Variants in COL18A1 observed in about 807,000 individuals in gnomAD.
The protein encoded by COL18A1 is collagen alpha-1(XVIII) chain.
A neutral mutation model predicts 168.0 loss-of-function variants in COL18A1; 133 were observed. The observed-to-expected ratio is 0.79, with a 90% confidence interval of 0.69 to 0.91. The LOEUF (loss-of-function observed/expected upper bound fraction) is 0.91. Ranked by LOEUF, COL18A1 falls within the 40% of genes least tolerant of loss-of-function variation. The pLI, the probability that COL18A1 is intolerant of heterozygous loss-of-function variation, is 0.00. For missense variants in COL18A1, 2,126 were observed against 1,925.4 expected (o/e 1.10, Z -1.95); for synonymous variants, 949 against 809.0 (o/e 1.17, Z -2.94).
intron 2 of COL18A1, 71 bp downstream of exon 2, chr21:45,405,544 G>T (rs920921193): frequency 1.0e-6 from 1 of 1,000,814 alleles, no homozygotes; most frequent in Non-Finnish European, 1.3e-6. Flanking sequence ...TGGGGTCCCC[G>T]CCCGGCTCCC....
chr21:45,418,215 G>T (rs886252722), intron 2 of COL18A1, among the ~76,000 whole-genome samples: 1 of 152,254 alleles, frequency 6.6e-6, no homozygotes, highest in African/African-American at 2.4e-5. Context: ...GCGCTGAGCG[G>T]AGCTGGCCGG....
rs1288772862 is a variant in COL18A1 at position 45,457,961 on chromosome 21, G to A, written c.107-10281G>A. ...CCCCTTGAGTTTCAGGCCAGTGACC[G>A]TTTCTCTCAGCAAAGCCCAGAGCCT... On this transcript the variant is annotated intron_variant, in intron 2 of 41. Transcript: ENST00000651438. The surrounding 1 kb of genome is among the most constrained non-coding windows in gnomAD (Gnocchi z 4.6). Among the ~76,000 whole-genome samples, 5 of 152,230 alleles carry A rather than the reference G, an allele frequency of 3.3e-5. No individual in the cohort carries two copies. Among genetic ancestry groups the A allele is most frequent in the South Asian group, 2.1e-4 (1 of 4,824 alleles).
chr21:45,417,543 G>A (rs2033481558), intron 2 of COL18A1, among the ~76,000 whole-genome samples: 2 of 152,222 alleles, frequency 1.3e-5, no homozygotes, highest in Admixed American at 6.5e-5. Context: ...GCCTGGCCCA[G>A]CTGCCCTCTC....
intron 40 of COL18A1, among the ~76,000 whole-genome samples, chr21:45,510,638 G>C (rs557293438): frequency 6.6e-6 from 1 of 152,192 alleles, no homozygotes; most frequent in Non-Finnish European, 1.5e-5. Flanking sequence ...AGTGCCATGC[G>C]GGCTGGTGGC....
At chr21:45,472,556 G>A (rs1270905135) in intron 3 of COL18A1, among the ~76,000 whole-genome samples, 1 of 152,156 alleles carries the variant, frequency 6.6e-6, no homozygotes, top group African/African-American at 2.4e-5. Flanking sequence ...CCCTGGGCCT[G>A]ACCTGGGGGC....
chr21:45,494,464 T>G lies in COL18A1; in HGVS notation c.2353-81T>G, dbSNP rs938989630. On this transcript the variant is annotated intron_variant, in intron 26 of 41. Coordinates refer to ENST00000651438, the MANE Select transcript of COL18A1 (RefSeq NM_001379500.1). ...GCACAAGCCGCCACCTAACCGTGCC[T>G]TCGCCACAGGGGCCCTCAGAGAGGC... 8.1e-6 allele frequency: 13 copies of G among 1,603,766 alleles called. No individual in the cohort carries two copies. The African/African-American group carries it at 1.7e-4, about 21-fold the overall frequency.
intron 15 of COL18A1, among the ~76,000 whole-genome samples, chr21:45,485,076 G>A (rs761743858): frequency 9.3e-5 from 14 of 150,996 alleles, no homozygotes; most frequent in Non-Finnish European, 1.8e-4. Flanking sequence ...TCTGCCTCCC[G>A]GTTTCAAGTG....
intron 2 of COL18A1, among the ~76,000 whole-genome samples, chr21:45,412,094 C>T (rs943001424): frequency 3.3e-5 from 5 of 152,156 alleles, no homozygotes; most frequent in Admixed American, 2.6e-4. Flanking sequence ...CTCGTGCCCA[C>T]TGCCCTGCAG....
intron 37 of COL18A1, chr21:45,506,979 C>T (rs1043600724): frequency 7.2e-6 from 2 of 276,000 alleles, no homozygotes; most frequent in Non-Finnish European, 1.5e-5. Flanking sequence ...CTTGTAGGCA[C>T]CCGGATGCAG....
intron 2 of COL18A1, among the ~76,000 whole-genome samples, chr21:45,434,867 G>T (rs982026553): frequency 2.0e-5 from 3 of 152,172 alleles, no homozygotes; most frequent in Non-Finnish European, 2.9e-5. Flanking sequence ...CTGGTGAGGG[G>T]TGACCCAGGG....
intron 2 of COL18A1, among the ~76,000 whole-genome samples, chr21:45,440,060 C>T (rs749628994): frequency 1.3e-5 from 2 of 152,202 alleles, no homozygotes; most frequent in Non-Finnish European, 2.9e-5. Flanking sequence ...GCCGCATGGG[C>T]GGAGGGGCCG....
At chr21:45,506,360 G>A (rs959108683) in intron 37 of COL18A1, 3 of 353,836 alleles carry the variant, frequency 8.5e-6, no homozygotes, top group Non-Finnish European at 1.7e-5. Flanking sequence ...CTGGGGGGCA[G>A]GCTGTCCCGT....
chr21:45,511,710 AGG>A (rs1258352240), intron 41 of COL18A1, among the ~76,000 whole-genome samples: 1 of 152,170 alleles, frequency 6.6e-6, no homozygotes, highest in Non-Finnish European at 1.5e-5. Context: ...TCATGCATTT[AGG>A]GGTGTCTCGG....
intron 2 of COL18A1, chr21:45,419,655 G>C (rs2838915): frequency 6.6e-6 from 1 of 152,174 alleles, no homozygotes; most frequent in Non-Finnish European, 1.5e-5. Flanking sequence ...TCAAAGCCAC[G>C]GATGGGCACC....
intron 2 of COL18A1, chr21:45,422,297 G>A (rs1298274493): frequency 2.8e-6 from 1 of 354,066 alleles, no homozygotes; most frequent in Non-Finnish European, 5.8e-6. Flanking sequence ...TAGAGGGGCA[G>A]GAGGCCCTGG....
chr21:45,412,238 T>A (rs1602330910), intron 2 of COL18A1, among the ~76,000 whole-genome samples: 2 of 16,516 alleles, frequency 1.2e-4, no homozygotes, highest in Admixed American at 9.4e-4. Flanking sequence ...GGTATATTTC[T>A]TTTTTTTTTT....
At chr21:45,453,648 G>A (rs965666364) in intron 2 of COL18A1, among the ~76,000 whole-genome samples, 2 of 152,184 alleles carry the variant, frequency 1.3e-5, no homozygotes, top group African/African-American at 4.8e-5. Flanking sequence ...TAGAGGTGGA[G>A]GAGTCCTGGA....
At chr21:45,444,461 G>T (rs1297071081) in intron 2 of COL18A1, among the ~76,000 whole-genome samples, 1 of 152,136 alleles carries the variant, frequency 6.6e-6, no homozygotes, top group Non-Finnish European at 1.5e-5. Flanking sequence ...TGGTCGTCCG[G>T]ACTTTTGGTT....
intron 7 of COL18A1, 87 bp from the exon 8 acceptor site, chr21:45,477,663 T>G: frequency 7.3e-7 from 1 of 1,372,228 alleles, no homozygotes; most frequent in Non-Finnish European, 1.0e-6. Context: ...CAGCCCAGCC[T>G]GGGACTCTGG....
Sources: gnomAD v4.1 joint callset for allele counts (sites outside exome capture counted in the v4.1 genomes callset) on GRCh38, gnomAD v4.1.1 for gene constraint, Gnocchi (gnomAD v3.1) non-coding constraint, MANE v1.5 for transcripts, NCBI Gene and HGNC (gene_info 2026-07-23, HGNC 2026-07-21) for gene names.